Variants in RAPGEF4 observed in about 807,000 individuals in gnomAD.
The protein encoded by RAPGEF4 is RAP guanine-nucleotide-exchange factor (GEF) 4.
A neutral mutation model predicts 147.9 loss-of-function variants in RAPGEF4; 66 were observed. That is an observed-to-expected ratio of 0.45 (90% CI 0.37 to 0.55). The LOEUF is 0.55. Ranked by LOEUF, RAPGEF4 falls within the 20% of genes least tolerant of loss-of-function variation. The probability of loss-of-function intolerance (pLI) is 0.00; values close to 1 mark genes in which losing one functional copy is unlikely to be tolerated. For missense variants in RAPGEF4, 1,071 were observed against 1,257.3 expected (o/e 0.85, Z 2.24); for synonymous variants, 419 against 442.7 (o/e 0.95, Z 0.67).
At chr2:172,881,363 G>T (rs909369108) in intron 4 of RAPGEF4, among the ~76,000 whole-genome samples, 1 of 152,140 alleles carries the variant, frequency 6.6e-6, no homozygotes, top group African/African-American at 2.4e-5. Flanking sequence ...AATGAATAAG[G>T]CGAATGCTTT....
chr2:172,898,316 T>C (rs995488568), intron 4 of RAPGEF4, among the ~76,000 whole-genome samples: 102 of 152,308 alleles, frequency 6.7e-4, no homozygotes, highest in African/African-American at 2.0e-3. Flanking sequence ...TGTTGAATCC[T>C]GTTCCCTGTG....
intron 4 of RAPGEF4, among the ~76,000 whole-genome samples, chr2:172,836,264 ACAC>A (rs989893769): frequency 9.2e-5 from 14 of 152,064 alleles, no homozygotes; most frequent in African/African-American, 3.1e-4. Context: ...CATGCAAAAC[ACAC>A]CCTCTTCTGC....
At position 173,020,622 on chromosome 2, in the gene RAPGEF4, G is replaced by T; in HGVS notation, c.2160G>T (p.Lys720Asn). The change falls in exon 23 of 31, where the codon AAG becomes AAT. Residue 720 changes from lysine to asparagine, a missense_variant. Lys to Asn is a moderately conservative substitution (Grantham distance 94). Transcript: ENST00000397081. ...TCATGCTTTTTATGTTCACAGAAAAGGTGGTGCTCAAACCTAATGATGTTT... is the reference window on the plus strand; with the variant it reads ...TCATGCTTTTTATGTTCACAGAAAATGTGGTGCTCAAACCTAATGATGTTT... ...IIVKMSSGGE[K>N]VVLKPNDVSV... 1 of 1,612,556 alleles carries T rather than the reference G, an allele frequency of 6.2e-7. No individual in the cohort carries two copies.
intron 1 of RAPGEF4, among the ~76,000 whole-genome samples, chr2:172,772,891 A>G (rs542926405): frequency 2.5e-4 from 38 of 152,328 alleles, no homozygotes; most frequent in Middle Eastern, 3.4e-3. Context: ...GGTTGCTAAC[A>G]GTGAATCACA....
intron 5 of RAPGEF4, among the ~76,000 whole-genome samples, chr2:172,920,368 A>C (rs1684612229): frequency 6.6e-6 from 1 of 152,162 alleles, no homozygotes; most frequent in Non-Finnish European, 1.5e-5. Flanking sequence ...GATTTTCCTT[A>C]GTAACATCCG....
At chr2:172,864,256 GA>G (rs1694364073) in intron 4 of RAPGEF4, among the ~76,000 whole-genome samples, 1 of 152,188 alleles carries the variant, frequency 6.6e-6, no homozygotes, top group African/African-American at 2.4e-5. Flanking sequence ...AAGTTGAGAG[GA>G]AAAACAGCAG....
intron 4 of RAPGEF4, among the ~76,000 whole-genome samples, chr2:172,912,731 G>A (rs374568194): frequency 1.3e-5 from 2 of 152,038 alleles, no homozygotes; most frequent in Admixed American, 6.5e-5. Flanking sequence ...CAGCTGCCAC[G>A]GGTATTTTTC....
intron 4 of RAPGEF4, among the ~76,000 whole-genome samples, chr2:172,846,032 G>A (rs1202843696): frequency 1.3e-5 from 2 of 152,204 alleles, no homozygotes; most frequent in African/African-American, 4.8e-5. Flanking sequence ...CCTCACCGCA[G>A]CAGGAGGACA....
intron 4 of RAPGEF4, among the ~76,000 whole-genome samples, chr2:172,915,864 C>G (rs1255854462): frequency 6.6e-6 from 1 of 151,984 alleles, no homozygotes; most frequent in African/African-American, 2.4e-5. Context: ...TTGAAATTTT[C>G]TAGAAAAATT....
intron 15 of RAPGEF4, among the ~76,000 whole-genome samples, chr2:172,992,026 A>G: frequency 6.6e-6 from 1 of 152,228 alleles, no homozygotes; most frequent in Non-Finnish European, 1.5e-5. Context: ...AAAGCTTGTA[A>G]TGGCAGAGCT....
chr2:172,949,839 A>G (rs1688033492), intron 6 of RAPGEF4, among the ~76,000 whole-genome samples: 1 of 152,184 alleles, frequency 6.6e-6, no homozygotes, highest in Non-Finnish European at 1.5e-5. Flanking sequence ...GTAAATCATT[A>G]TATGTTATTA....
chr2:172,974,790 G>C (rs893319680), intron 10 of RAPGEF4, among the ~76,000 whole-genome samples: 1 of 152,154 alleles, frequency 6.6e-6, no homozygotes, highest in African/African-American at 2.4e-5. Flanking sequence ...CTCTAGTATG[G>C]CAGATTCCCA....
chr2:172,980,481 C>T (rs1293817402), intron 10 of RAPGEF4, among the ~76,000 whole-genome samples: 1 of 151,968 alleles, frequency 6.6e-6, no homozygotes, highest in African/African-American at 2.4e-5. Context: ...AACAACAAAC[C>T]AAAAAGACAT....
intron 6 of RAPGEF4, among the ~76,000 whole-genome samples, chr2:172,924,922 T>G (rs1025517218): frequency 6.6e-6 from 1 of 152,260 alleles, no homozygotes; most frequent in Non-Finnish European, 1.5e-5. Flanking sequence ...CTCATCATTT[T>G]GTTAATCACC....
At position 172,990,722 on chromosome 2, in the gene RAPGEF4, C is replaced by T. The variant is rs895607091; in HGVS notation, c.1375-88C>T. On this transcript the variant is annotated intron_variant, in intron 14 of 30. Transcript: ENST00000397081. ...TAGACGCAACAATTAGCATGACAAG[C>T]ACCAAATGAGTTTCTGAAGCATTTG... The T allele has an allele frequency of 4.7e-6, 4 of 853,950 alleles. No individual in the cohort carries two copies. In the African/African-American group the frequency reaches 6.7e-5, roughly 14 times the overall value. 52.9% of individuals were successfully genotyped at this position (853,950 alleles called of 1,614,324 possible).
chr2:172,985,560 G>A (rs759382192), intron 12 of RAPGEF4, 67 bp downstream of exon 12: 21 of 1,577,420 alleles, frequency 1.3e-5, no homozygotes, highest in Middle Eastern at 3.4e-4. Flanking sequence ...GCCACGGGAA[G>A]CCAGGCTGCT....
intron 1 of RAPGEF4, among the ~76,000 whole-genome samples, chr2:172,749,376 G>A (rs1695057747): frequency 6.6e-6 from 1 of 152,200 alleles, no homozygotes; most frequent in African/African-American, 2.4e-5. Flanking sequence ...CTTGACTTCT[G>A]AACACCTGTA....
chr2:172,885,816 C>A (rs1360495965), intron 4 of RAPGEF4, among the ~76,000 whole-genome samples: 1 of 152,164 alleles, frequency 6.6e-6, no homozygotes, highest in East Asian at 1.9e-4. Context: ...TGCTTGGCAT[C>A]TTGCCACCAA....
chr2:173,018,588 T>G, intron 21 of RAPGEF4, 68 bp from the exon 22 acceptor site: 1 of 1,511,756 alleles, frequency 6.6e-7, no homozygotes, highest in Non-Finnish European at 8.9e-7. Context: ...CCTAAACATT[T>G]TTCATAACTA....
Sources: allele counts gnomAD v4.1 joint callset (sites outside exome capture counted in the v4.1 genomes callset), GRCh38; gene constraint gnomAD v4.1.1; transcripts MANE v1.5; gene names NCBI Gene and HGNC (gene_info 2026-07-23, HGNC 2026-07-21).